The following NAALADL2 variants were observed in gnomAD, a reference collection of about 807,000 sequenced individuals.
The protein encoded by NAALADL2 is N-acetylated alpha-linked acidic dipeptidase like 2.
Under a neutral mutation model 87.2 loss-of-function variants are expected in NAALADL2, and 76 were observed. That is an observed-to-expected ratio of 0.87 (90% CI 0.72 to 1.05). The LOEUF (loss-of-function observed/expected upper bound fraction) is 1.05. NAALADL2 is among the 50% of genes least tolerant of loss of function. The pLI, the probability that NAALADL2 is intolerant of heterozygous loss-of-function variation, is 0.00. For missense variants in NAALADL2, 1,089 were observed against 945.8 expected, an observed-to-expected ratio of 1.15 and a Z score of -1.99; for synonymous variants, 354 against 331.0, an observed-to-expected ratio of 1.07 and a Z score of -0.75.
intron 3 of NAALADL2, among the ~76,000 whole-genome samples, chr3:174,823,487 T>C (rs1721647584): frequency 6.6e-6 from 1 of 152,152 alleles, no homozygotes; most frequent in South Asian, 2.1e-4. Flanking sequence ...AAAATATAGA[T>C]TGTTACAGAA....
chr3:175,670,705 C>CA (rs1351633992), intron 11 of NAALADL2, among the ~76,000 whole-genome samples: 1 of 150,606 alleles, frequency 6.6e-6, no homozygotes, highest in Non-Finnish European at 1.5e-5. Flanking sequence ...TAATAAGGAA[C>CA]ATCTGGTTAT....
At chr3:174,937,533 C>G (rs976834389) in intron 1 of NAALADL2, among the ~76,000 whole-genome samples, 1 of 152,020 alleles carries the variant, frequency 6.6e-6, no homozygotes, top group African/African-American at 2.4e-5. Flanking sequence ...AAATAATATT[C>G]TCTTCATGGA....
intron 1 of NAALADL2, among the ~76,000 whole-genome samples, chr3:174,458,112 A>T (rs1452451742): frequency 6.6e-6 from 1 of 152,130 alleles, no homozygotes; most frequent in Non-Finnish European, 1.5e-5. Flanking sequence ...TATATAACAA[A>T]CCTGCACATA....
At chr3:175,128,720 T>C (rs1035740855) in intron 2 of NAALADL2, among the ~76,000 whole-genome samples, 5 of 152,184 alleles carry the variant, frequency 3.3e-5, no homozygotes, top group African/African-American at 1.2e-4. Context: ...TTTCAGATTC[T>C]TTGTGATTTA....
At chr3:175,351,735 A>G (rs916428340) in intron 5 of NAALADL2, among the ~76,000 whole-genome samples, 2 of 152,084 alleles carry the variant, frequency 1.3e-5, no homozygotes, top group Non-Finnish European at 2.9e-5. Context: ...CAACTTATCT[A>G]AACAATCAAA....
At chr3:175,203,231 C>T (rs1470901071) in intron 2 of NAALADL2, among the ~76,000 whole-genome samples, 1 of 152,160 alleles carries the variant, frequency 6.6e-6, no homozygotes, top group Non-Finnish European at 1.5e-5. Context: ...CCTCACCCCA[C>T]TCCTCTGGCC....
At chr3:175,099,870 G>C (rs7613124) in intron 2 of NAALADL2, among the ~76,000 whole-genome samples, 1 of 151,950 alleles carries the variant, frequency 6.6e-6, no homozygotes, top group Non-Finnish European at 1.5e-5. Context: ...TAGACATTGA[G>C]TAATTATTTT....
chr3:174,877,475 GCT>G (rs1193628875), intron 1 of NAALADL2, among the ~76,000 whole-genome samples: 2 of 151,992 alleles, frequency 1.3e-5, no homozygotes, highest in African/African-American at 4.8e-5. Flanking sequence ...TTCAGAAAAG[GCT>G]CTCACATCTC....
intron 2 of NAALADL2, among the ~76,000 whole-genome samples, chr3:174,722,216 A>G (rs1731774061): frequency 6.6e-6 from 1 of 152,110 alleles, no homozygotes; most frequent in East Asian, 1.9e-4. Flanking sequence ...GTCCCAACTC[A>G]TGTTTGTCCT....
At chr3:175,336,791 A>C (rs1448753952) in intron 5 of NAALADL2, among the ~76,000 whole-genome samples, 1 of 152,218 alleles carries the variant, frequency 6.6e-6, no homozygotes, top group African/African-American at 2.4e-5. Flanking sequence ...AACCATGTTC[A>C]AAAGTCTGTG....
At chr3:174,660,735 T>A (rs923508892) in intron 2 of NAALADL2, among the ~76,000 whole-genome samples, 4 of 152,070 alleles carry the variant, frequency 2.6e-5, no homozygotes, top group African/African-American at 9.7e-5. Flanking sequence ...TGTACTTTTT[T>A]AATAAACAAA....
rs1736632813 is a variant in NAALADL2 at position 175,688,622 on chromosome 3, C to T, written c.1897-48684C>T. On this transcript the variant is annotated intron_variant, in intron 11 of 13. Transcript: ENST00000454872. ...AAGCAGAGACACAGGGATCATCTCT[C>T]TGTTGAGGGAGCCCCCAAACAAAAG... Among the ~76,000 whole-genome samples, 4 of 152,130 alleles carry T rather than the reference C, an allele frequency of 2.6e-5. No individual in the cohort carries two copies. In the South Asian group the frequency reaches 8.3e-4, roughly 31 times the overall value.
intron 2 of NAALADL2, among the ~76,000 whole-genome samples, chr3:174,597,267 G>A (rs980063849): frequency 2.0e-5 from 3 of 152,172 alleles, no homozygotes; most frequent in Admixed American, 2.0e-4. Flanking sequence ...TAGTAGGGAA[G>A]CTCGTTAGAG....
intron 3 of NAALADL2, among the ~76,000 whole-genome samples, chr3:174,799,348 G>C (rs544953520): frequency 6.6e-6 from 1 of 152,142 alleles, no homozygotes; most frequent in Admixed American, 6.5e-5. Context: ...CATGTGTTAT[G>C]GGAGGGACTT....
At chr3:174,726,792 T>C (rs1415985371) in intron 2 of NAALADL2, among the ~76,000 whole-genome samples, 1 of 152,146 alleles carries the variant, frequency 6.6e-6, no homozygotes, top group African/African-American at 2.4e-5. Context: ...GCATGGTGTT[T>C]ACACTTTTCC....
intron 1 of NAALADL2, among the ~76,000 whole-genome samples, chr3:175,048,363 A>G (rs1754937234): frequency 6.6e-6 from 1 of 152,220 alleles, no homozygotes; most frequent in East Asian, 1.9e-4. Context: ...TGCATTTTCA[A>G]AAAAGTTGAG....
intron 1 of NAALADL2, among the ~76,000 whole-genome samples, chr3:175,047,923 A>AGAGG (rs1406396940): frequency 1.3e-5 from 2 of 152,190 alleles, no homozygotes; most frequent in Non-Finnish European, 2.9e-5. Flanking sequence ...TTTAGAGTGC[A>AGAGG]GAGGGCATGG....
chr3:174,792,036 CTA>C (rs545505775), intron 3 of NAALADL2, among the ~76,000 whole-genome samples: 1 of 151,994 alleles, frequency 6.6e-6, no homozygotes, highest in Non-Finnish European at 1.5e-5. Flanking sequence ...TGGTGAAACT[CTA>C]TCTCTACTAA....
chr3:175,061,728 AAT>A (rs149495848), intron 1 of NAALADL2, among the ~76,000 whole-genome samples: 9,249 of 141,360 alleles, frequency 0.065, 285 homozygotes, highest in Non-Finnish European at 0.069. Context: ...CACTTGCACA[AAT>A]ATATATATAT....
Sources: allele counts gnomAD v4.1 joint callset (sites outside exome capture counted in the v4.1 genomes callset), GRCh38; gene constraint gnomAD v4.1.1; transcripts MANE v1.5; gene names NCBI Gene and HGNC (gene_info 2026-07-23, HGNC 2026-07-21).